The following ZNF718 variants were observed in gnomAD, a reference collection of about 807,000 sequenced individuals.
ZNF718 encodes the protein zinc finger protein 718.
ZNF718 carries 3 observed loss-of-function variants against 2.6 expected under a neutral mutation model. That is an observed-to-expected ratio of 1.16 (90% CI 0.53 to 3.01). The LOEUF (loss-of-function observed/expected upper bound fraction) is 3.01, where lower values mean the gene tolerates loss of function less well. Ranked by LOEUF, ZNF718 falls within the 30% of genes most tolerant of loss-of-function variation. The pLI is 0.03. For missense variants in ZNF718, 468 were observed against 230.0 expected (o/e 2.03, Z -6.69); for synonymous variants, 135 against 77.9 (o/e 1.73, Z -3.86).
intron 3 of ZNF718, among the ~76,000 whole-genome samples, chr4:192,625 G>T (rs1236198121): frequency 2.6e-5 from 4 of 152,108 alleles, no homozygotes; most frequent in African/African-American, 9.7e-5. Flanking sequence ...GCTGAACTGG[G>T]GCATAGTAGG....
chr4:196,005 CCTCT>C (rs1367201613), intron 3 of ZNF718, among the ~76,000 whole-genome samples: 3 of 151,162 alleles, frequency 2.0e-5, no homozygotes, highest in African/African-American at 7.3e-5. Context: ...GCTTCTCTTT[CCTCT>C]CTCTCTCTCC....
intron 3 of ZNF718, among the ~76,000 whole-genome samples, chr4:191,278 A>G (rs1035697729): frequency 6.7e-6 from 1 of 150,322 alleles, no homozygotes; most frequent in Admixed American, 6.7e-5. Flanking sequence ...CCTCCTGAGC[A>G]GCTGGGACTA....
intron 3 of ZNF718, among the ~76,000 whole-genome samples, chr4:141,625 C>G (rs1553810256): frequency 6.6e-6 from 1 of 152,082 alleles, no homozygotes; most frequent in African/African-American, 2.4e-5. Flanking sequence ...AAATGATGTT[C>G]AATCTGCTTT....
At chr4:143,626 GT>G (rs1406555643) in intron 3 of ZNF718, among the ~76,000 whole-genome samples, 7 of 152,190 alleles carry the variant, frequency 4.6e-5, no homozygotes, top group Non-Finnish European at 8.8e-5. Context: ...AACAAATCAG[GT>G]TTTTTTTCTC....
intron 3 of ZNF718, among the ~76,000 whole-genome samples, chr4:147,846 C>T (rs546350576): frequency 3.9e-5 from 6 of 152,050 alleles, no homozygotes; most frequent in East Asian, 1.9e-4. Flanking sequence ...CCAGCCTGGG[C>T]GACAGAGCGA....
intron 3 of ZNF718, among the ~76,000 whole-genome samples, chr4:158,231 C>A (rs1177564172): frequency 2.0e-5 from 3 of 151,920 alleles, no homozygotes; most frequent in Non-Finnish European, 2.9e-5. Flanking sequence ...TGTCTTTTTT[C>A]ATCTTGCCTT....
At chr4:176,185 T>C (rs1347741042) in intron 3 of ZNF718, among the ~76,000 whole-genome samples, 1 of 152,122 alleles carries the variant, frequency 6.6e-6, no homozygotes, top group Non-Finnish European at 1.5e-5. Context: ...ATTCCTCCTA[T>C]GCCTCAACCC....
At position 146,077 on chromosome 4, in the gene ZNF718, C is replaced by CTATATATATATATATATATATATA. The variant is rs5742061; in HGVS notation, c.226+14595_226+14596insATATATATATATATATATATATAT. On this transcript the variant is annotated intron_variant, in intron 3 of 3. Transcript: ENST00000510175. ...GCACCATAATTAGTGATATAGCCTT[C>CTATATATATATATATATATATATA]TATATATATATATATATATATATGT... 1.0e-4 allele frequency among the ~76,000 whole-genome samples: 15 copies of CTATATATATATATATATATATATA among 143,052 alleles called. No individual in the cohort carries two copies. In the South Asian group the frequency reaches 2.9e-3, roughly 28 times the overall value. 93.8% of individuals were successfully genotyped at this position (143,052 alleles called of 152,430 possible).
rs566661743 is a variant in ZNF718, at chr4:198,188, G to GA, written c.227-2887dup. On this transcript the variant is annotated intron_variant and NMD_transcript_variant, in intron 3 of 4. Transcript: ENST00000642529. ...ATGAGAAACGTGCTAAGAGCCAGCA[G>GA]AAAAAACCCAGCAGCACAATAAAGT... is the stretch of plus-strand genomic sequence containing the variant. 6.2e-3 allele frequency among the ~76,000 whole-genome samples: 943 copies of GA among 152,176 alleles called. 12 individuals carry two copies. The highest frequency in any genetic ancestry group is 0.021 in the African/African-American group (881 of 41,504).
intron 3 of ZNF718, among the ~76,000 whole-genome samples, chr4:151,040 A>C (rs1181733220): frequency 1.3e-5 from 2 of 152,142 alleles, no homozygotes; most frequent in African/African-American, 4.8e-5. Flanking sequence ...ACAATTTTAC[A>C]ACTGTATTTG....
At chr4:174,159 A>C (rs1717301962) in intron 3 of ZNF718, among the ~76,000 whole-genome samples, 1 of 152,102 alleles carries the variant, frequency 6.6e-6, no homozygotes, top group Non-Finnish European at 1.5e-5. Context: ...CCTTCAGCTC[A>C]TTCTTCCCCG....
At chr4:151,367 A>C (rs1716314440) in intron 3 of ZNF718, among the ~76,000 whole-genome samples, 1 of 152,086 alleles carries the variant, frequency 6.6e-6, no homozygotes, top group Non-Finnish European at 1.5e-5. Flanking sequence ...TGGCCTCCCA[A>C]AGTGCTAGGA....
chr4:153,419 C>A (rs543355438), intron 3 of ZNF718, among the ~76,000 whole-genome samples: 2 of 151,966 alleles, frequency 1.3e-5, no homozygotes, highest in Admixed American at 1.3e-4. Flanking sequence ...TTCCCTATAA[C>A]GTTTAAGCTT....
chr4:146,626 A>G (rs1377261282), intron 3 of ZNF718, among the ~76,000 whole-genome samples: 5 of 152,156 alleles, frequency 3.3e-5, no homozygotes, highest in Admixed American at 6.5e-5. Context: ...TAAACAATAA[A>G]AAAAAGTTTT....
rs1247173863 is a variant in ZNF718 at position 127,182 on chromosome 4, T to C, written c.3+2509T>C. Among the ~76,000 whole-genome samples, 3 of 59,072 alleles carry C rather than the reference T, an allele frequency of 5.1e-5. 1 individual carries two copies. The highest frequency in any genetic ancestry group is 1.1e-4 in the African/African-American group (2 of 17,566). 38.8% of individuals were successfully genotyped at this position (59,072 alleles called of 152,430 possible). A position where few individuals can be genotyped will look rare whatever the true frequency, so the allele number is the denominator to read the frequency against. ...CTGTTTAGAAGTACTGGACGTTATA[T>C]ACAAAGTGCCCACCAGGCTTCACTT... is the stretch of plus-strand genomic sequence containing the variant. On this transcript the variant is annotated intron_variant, in intron 1 of 3. Transcript: ENST00000510175.
At chr4:137,984 T>C (rs1237270421) in intron 3 of ZNF718, among the ~76,000 whole-genome samples, 1 of 152,222 alleles carries the variant, frequency 6.6e-6, no homozygotes, top group Non-Finnish European at 1.5e-5. Context: ...ATAGTTTTTG[T>C]ATATGGTTCA....
rs1241712064 is a variant in ZNF718 at position 124,540 on chromosome 4, C to T, written c.-131C>T. ...GCTCCAGCCAGAGCTCGGTTAGGGC[C>T]TCATCGCTCTGCTCCCGCTCCTTAG... On this transcript the variant is annotated 5_prime_UTR_variant, in exon 1 of 4. Coordinates refer to ENST00000510175, the MANE Select transcript of ZNF718 (RefSeq NM_001039127.6). 6 of 1,335,268 alleles carry T rather than the reference C, an allele frequency of 4.5e-6. No individual in the cohort carries two copies. The highest frequency in any genetic ancestry group is 3.4e-5 in the Admixed American group (2 of 58,680). The allele number at this position is 1,335,268 out of a possible 1,614,324, so 82.7% of individuals were successfully genotyped here. A position where few individuals can be genotyped will look rare whatever the true frequency, so the allele number is the denominator to read the frequency against.
intron 3 of ZNF718, among the ~76,000 whole-genome samples, chr4:196,688 G>C (rs1336387587): frequency 6.6e-6 from 1 of 152,008 alleles, no homozygotes; most frequent in Non-Finnish European, 1.5e-5. Context: ...CCACTAGTCA[G>C]CCCTCAGCTT....
At chr4:154,466 T>C (rs1374095338) in intron 3 of ZNF718, among the ~76,000 whole-genome samples, 1 of 152,164 alleles carries the variant, frequency 6.6e-6, no homozygotes, top group African/African-American at 2.4e-5. Flanking sequence ...AATAATGATA[T>C]GGACAATGAA....
Sources: gnomAD v4.1 joint callset for allele counts (sites outside exome capture counted in the v4.1 genomes callset) on GRCh38, gnomAD v4.1.1 for gene constraint, MANE v1.5 for transcripts, NCBI Gene and HGNC (gene_info 2026-07-23, HGNC 2026-07-21) for gene names.